ARHGAP15: variants seen among roughly 807,000 people sequenced by gnomAD.
ARHGAP15 encodes Rho GTPase activating protein 15.
Under a neutral mutation model 63.7 loss-of-function variants are expected in ARHGAP15, and 51 were observed. The observed-to-expected ratio is 0.80, with a 90% CI of 0.64 to 1.01. ARHGAP15 has a LOEUF of 1.01. Among genes scored for constraint, ARHGAP15 ranks in the 50% least tolerant of loss-of-function variants. The probability of loss-of-function intolerance (pLI) is 0.00; values close to 1 mark genes in which losing one functional copy is unlikely to be tolerated. For missense variants in ARHGAP15, 560 were observed against 564.6 expected (o/e 0.99, Z 0.08); for synonymous variants, 191 against 193.8 (o/e 0.99, Z 0.12).
intron 10 of ARHGAP15, among the ~76,000 whole-genome samples, chr2:143,541,404 G>T (rs1177056802): frequency 2.0e-5 from 3 of 152,142 alleles, no homozygotes; most frequent in African/African-American, 7.2e-5. Context: ...ATCCAGCTTT[G>T]TTCTGTTGCT....
chr2:143,523,745 C>T (rs548707687), intron 10 of ARHGAP15, among the ~76,000 whole-genome samples: 1 of 152,162 alleles, frequency 6.6e-6, no homozygotes, highest in Admixed American at 6.5e-5. Flanking sequence ...TTAACTCATA[C>T]TTCCTTCATG....
At chr2:143,492,036 C>A (rs993032998) in intron 9 of ARHGAP15, among the ~76,000 whole-genome samples, 1 of 152,150 alleles carries the variant, frequency 6.6e-6, no homozygotes, top group African/African-American at 2.4e-5. Flanking sequence ...TGCACACCAC[C>A]ACATCCGGCT....
rs149622173 is a variant in ARHGAP15, at chr2:143,413,510, ACAGT to A, written c.475-22088_475-22085del. 5.0e-3 allele frequency among the ~76,000 whole-genome samples: 768 copies of A among 152,258 alleles called. 1 individual carries two copies. Among genetic ancestry groups the A allele is most frequent in the Non-Finnish European group, 7.8e-3 (532 of 68,026 alleles). ...AATTAATTTTTATTGATTGATTCAGACAGTCAATCAATAACAGCTGTAATAATAG... is the reference window on the plus strand; with the variant it reads ...AATTAATTTTTATTGATTGATTCAGACAATCAATAACAGCTGTAATAATAG... On this transcript the variant is annotated intron_variant, in intron 6 of 13. Transcript: ENST00000295095.
chr2:143,358,140 G>A (rs1156869259), intron 6 of ARHGAP15, among the ~76,000 whole-genome samples: 1 of 152,202 alleles, frequency 6.6e-6, no homozygotes, highest in Non-Finnish European at 1.5e-5. Context: ...GATGCAGGTT[G>A]GCCCATGCTC....
chr2:143,714,203 T>C (rs1559140434), intron 13 of ARHGAP15, among the ~76,000 whole-genome samples: 1 of 152,228 alleles, frequency 6.6e-6, no homozygotes, highest in Non-Finnish European at 1.5e-5. Flanking sequence ...ATGACTTCTG[T>C]GCATCCACAG....
intron 11 of ARHGAP15, chr2:143,608,748 C>G (rs1045520188): frequency 7.9e-5 from 12 of 152,050 alleles, no homozygotes; most frequent in African/African-American, 2.9e-4. Context: ...ATAAAAACAC[C>G]TGTTTTAATT....
At chr2:143,500,122 A>G (rs529170741) in intron 9 of ARHGAP15, among the ~76,000 whole-genome samples, 1 of 151,948 alleles carries the variant, frequency 6.6e-6, no homozygotes, top group African/African-American at 2.4e-5. Context: ...ATATCTTTCT[A>G]AGAGTTAGGT....
At chr2:143,677,636 G>C (rs1682891125) in intron 12 of ARHGAP15, among the ~76,000 whole-genome samples, 1 of 152,130 alleles carries the variant, frequency 6.6e-6, no homozygotes, top group South Asian at 2.1e-4. Flanking sequence ...GATTTGATTT[G>C]ATTGGACTGG....
intron 2 of ARHGAP15, 72 bp from the exon 3 acceptor site, chr2:143,202,062 T>A (rs1222103867): frequency 1.7e-6 from 2 of 1,158,112 alleles, no homozygotes; most frequent in Non-Finnish European, 2.6e-6. Flanking sequence ...GAATTGGTTA[T>A]TTTATGTGTA....
intron 12 of ARHGAP15, among the ~76,000 whole-genome samples, chr2:143,659,715 C>T (rs1681650695): frequency 6.6e-6 from 1 of 152,186 alleles, no homozygotes; most frequent in Non-Finnish European, 1.5e-5. Flanking sequence ...TGTGGTAATA[C>T]AGGCCCTTTT....
intron 2 of ARHGAP15, among the ~76,000 whole-genome samples, chr2:143,157,042 G>A (rs1035847400): frequency 7.2e-5 from 11 of 151,894 alleles, no homozygotes; most frequent in Non-Finnish European, 1.3e-4. Context: ...GCACTATGCC[G>A]CAGTTGTTTT....
At position 143,320,403 on chromosome 2, in the gene ARHGAP15, T is replaced by TCCC. The variant is rs200994141; in HGVS notation, c.474+69805_474+69807dup. 4.4e-3 allele frequency among the ~76,000 whole-genome samples: 40 copies of TCCC among 8,992 alleles called. 2 individuals carry two copies. Among genetic ancestry groups the TCCC allele is most frequent in the African/African-American group, 9.8e-3 (35 of 3,554 alleles). 5.9% of individuals were successfully genotyped at this position (8,992 alleles called of 152,430 possible). On this transcript the variant is annotated intron_variant, in intron 6 of 13. Coordinates refer to ENST00000295095, the MANE Select transcript of ARHGAP15 (RefSeq NM_018460.4). ...TTGATAAATGCCACAAATCAGGACT[T>TCCC]CCCCACCCCCCCCCCCCCCAGAGAT...
intron 12 of ARHGAP15, among the ~76,000 whole-genome samples, chr2:143,658,671 G>T (rs1031564537): frequency 6.6e-6 from 1 of 152,126 alleles, no homozygotes; most frequent in African/African-American, 2.4e-5. Flanking sequence ...TGTAGAGCTG[G>T]CTTCATCCTA....
chr2:143,483,334 T>C (rs1054618252), intron 8 of ARHGAP15, among the ~76,000 whole-genome samples: 1 of 152,204 alleles, frequency 6.6e-6, no homozygotes, highest in African/African-American at 2.4e-5. Flanking sequence ...TATTTTAATT[T>C]GCAAAGTACT....
intron 6 of ARHGAP15, among the ~76,000 whole-genome samples, chr2:143,268,120 T>C (rs1050172191): frequency 6.6e-6 from 1 of 151,940 alleles, no homozygotes; most frequent in Non-Finnish European, 1.5e-5. Flanking sequence ...GAAAAATGAT[T>C]GCAATTCAAC....
intron 2 of ARHGAP15, among the ~76,000 whole-genome samples, chr2:143,198,949 G>A (rs1691996356): frequency 6.6e-6 from 1 of 152,092 alleles, no homozygotes. Flanking sequence ...CTTCCATCTT[G>A]GAACTCTTCC....
chr2:143,471,054 CAT>C (rs1691526441), intron 8 of ARHGAP15, among the ~76,000 whole-genome samples: 1 of 147,346 alleles, frequency 6.8e-6, no homozygotes, highest in East Asian at 2.0e-4. Flanking sequence ...CACATGTGTG[CAT>C]ATATACACAT....
chr2:143,485,332 TC>T (rs2105222842), intron 8 of ARHGAP15, among the ~76,000 whole-genome samples: 1 of 152,254 alleles, frequency 6.6e-6, no homozygotes. Context: ...TGTCTACCTT[TC>T]TCACATGATA....
At chr2:143,444,086 C>G (rs1289337849) in intron 8 of ARHGAP15, among the ~76,000 whole-genome samples, 1 of 152,168 alleles carries the variant, frequency 6.6e-6, no homozygotes, top group African/African-American at 2.4e-5. Flanking sequence ...TCTCAGTGCT[C>G]AAGCACTAGA....
Sources: gnomAD v4.1 joint callset for allele counts (sites outside exome capture counted in the v4.1 genomes callset) on GRCh38, gnomAD v4.1.1 for gene constraint, MANE v1.5 for transcripts, NCBI Gene and HGNC (gene_info 2026-07-23, HGNC 2026-07-21) for gene names.